Variants in TDRP observed in about 807,000 individuals in gnomAD.
TDRP encodes testis development-related protein.
Under a neutral mutation model 10.5 loss-of-function variants are expected in TDRP, and 12 were observed. The ratio of observed to expected loss-of-function variants is 1.15; its 90% CI spans 0.73 to 1.86. TDRP has a LOEUF of 1.86. Ranked by LOEUF, TDRP falls within the 40% of genes most tolerant of loss-of-function variation. The pLI is 0.00. For missense variants in TDRP, 353 were observed against 229.2 expected, an observed-to-expected ratio of 1.54 and a Z score of -3.49; for synonymous variants, 139 against 95.4, an observed-to-expected ratio of 1.46 and a Z score of -2.67.
intron 1 of TDRP, among the ~76,000 whole-genome samples, chr8:511,803 G>C (rs566298955): frequency 6.6e-6 from 1 of 152,272 alleles, no homozygotes; most frequent in African/African-American, 2.4e-5. Flanking sequence ...CAAATATGTG[G>C]AAATTTTAAA....
intron 1 of TDRP, among the ~76,000 whole-genome samples, chr8:497,427 T>C (rs1433691984): frequency 1.3e-5 from 2 of 152,204 alleles, no homozygotes; most frequent in Non-Finnish European, 2.9e-5. Context: ...ATTTAGGATA[T>C]CTGGCAGAAG....
intron 1 of TDRP, among the ~76,000 whole-genome samples, chr8:516,151 G>C (rs922056509): frequency 1.3e-5 from 2 of 152,140 alleles, no homozygotes; most frequent in Admixed American, 6.5e-5. Flanking sequence ...CGGTAGAGCG[G>C]TTCCTAAATG....
chr8:499,641 G>C (rs767282990), intron 1 of TDRP, among the ~76,000 whole-genome samples: 2 of 152,236 alleles, frequency 1.3e-5, no homozygotes, highest in Non-Finnish European at 2.9e-5. Flanking sequence ...AGCGTGAGGA[G>C]TGCTGTGAGG....
chr8:497,342 TTGCCTTAGCAAAGAG>T (rs1801163509), intron 1 of TDRP, among the ~76,000 whole-genome samples: 1 of 152,164 alleles, frequency 6.6e-6, no homozygotes, highest in Non-Finnish European at 1.5e-5. Flanking sequence ...CCCTCTTGCT[TTGCCTTAGCAAAGAG>T]ACTGGTGGCA....
chr8:545,014 G>A (rs1216602405), upstream of TDRP: 5 of 284,074 alleles, frequency 1.8e-5, no homozygotes, highest in Non-Finnish European at 2.5e-5. Flanking sequence ...CTCAGGACCA[G>A]GCCCGCCCCA....
chr8:520,915 T>G (rs1367079510), intron 1 of TDRP, among the ~76,000 whole-genome samples: 1 of 152,172 alleles, frequency 6.6e-6, no homozygotes, highest in African/African-American at 2.4e-5. Context: ...GTTTCCTTTG[T>G]TACATGTAAG....
chr8:528,333 T>C (rs1802091923), intron 1 of TDRP, among the ~76,000 whole-genome samples: 1 of 152,186 alleles, frequency 6.6e-6, no homozygotes, highest in Admixed American at 6.5e-5. Context: ...GTACAGCCAC[T>C]ATGGAGAACA....
intron 1 of TDRP, among the ~76,000 whole-genome samples, chr8:503,896 C>A (rs1389441874): frequency 6.7e-6 from 1 of 149,146 alleles, no homozygotes; most frequent in African/African-American, 2.4e-5. Context: ...ACAAGGGTAA[C>A]CCACCCCCAC....
In TDRP at chr8:544,728, C is replaced by G. The variant is rs952646562; in HGVS notation, c.30G>C (p.Leu10=). Residue 10 remains leucine (L), a synonymous_variant, in exon 1 of 3, where the codon CTG becomes CTC. Transcript: ENST00000324079. MWKLGRGRV[L]LDEPPEEEDG... ...CCTCCTCCTCGGGGGGCTCGTCCAG[C>G]AGCACTCGGCCCCGGCCCAGCTTCC... 54 of 1,242,972 alleles carry G rather than the reference C, an allele frequency of 4.3e-5. No homozygotes were observed. Among genetic ancestry groups the G allele is most frequent in the Non-Finnish European group, 5.1e-5 (51 of 992,732 alleles). 77.0% of individuals were successfully genotyped at this position (1,242,972 alleles called of 1,614,324 possible). A position where few individuals can be genotyped will look rare whatever the true frequency, so the allele number is the denominator to read the frequency against.
In TDRP at chr8:491,574, A is replaced by G. The variant is rs970458022; in HGVS notation, c.*825T>C. On this transcript the variant is annotated 3_prime_UTR_variant, in exon 3 of 3. Coordinates refer to ENST00000324079, the MANE Select transcript of TDRP (RefSeq NM_001384899.1). ...GAGCCTAATAAAAAAGAGGCACTTC[A>G]GTATTTTATGCACAGTCTTAACTCT... The G allele has an allele frequency of 2.5e-4, 370 of 1,490,822 alleles. 1 individual carries two copies. Among genetic ancestry groups the G allele is most frequent in the Non-Finnish European group, 3.1e-4 (351 of 1,129,118 alleles). 92.3% of individuals were successfully genotyped at this position (1,490,822 alleles called of 1,614,324 possible).
At chr8:511,533 T>C (rs552706309) in intron 1 of TDRP, among the ~76,000 whole-genome samples, 1 of 152,256 alleles carries the variant, frequency 6.6e-6, no homozygotes, top group Non-Finnish European at 1.5e-5. Flanking sequence ...GATTTCACCA[T>C]GCCACTTTCA....
chr8:539,232 T>G (rs1236500773), intron 1 of TDRP, among the ~76,000 whole-genome samples: 2 of 151,808 alleles, frequency 1.3e-5, no homozygotes, highest in African/African-American at 4.8e-5. Flanking sequence ...GTCACGAGGG[T>G]GGGGCCGGCA....
At chr8:501,504 A>G (rs1276575950) in intron 1 of TDRP, among the ~76,000 whole-genome samples, 1 of 151,488 alleles carries the variant, frequency 6.6e-6, no homozygotes, top group African/African-American at 2.4e-5. Flanking sequence ...TGGCCACCAC[A>G]CCCAGCTAAT....
At chr8:511,187 G>A (rs1340553342) in intron 1 of TDRP, among the ~76,000 whole-genome samples, 1 of 152,062 alleles carries the variant, frequency 6.6e-6, no homozygotes, top group Non-Finnish European at 1.5e-5. Context: ...GGCAAATACT[G>A]TCACACTGGA....
intron 1 of TDRP, chr8:495,064 G>C (rs1160570864): frequency 6.4e-6 from 1 of 155,184 alleles, no homozygotes; most frequent in African/African-American, 2.4e-5. Flanking sequence ...AGACCCCGTT[G>C]CTACAAAAAA....
intron 1 of TDRP, among the ~76,000 whole-genome samples, chr8:499,561 T>C (rs1471354766): frequency 6.6e-6 from 1 of 152,192 alleles, no homozygotes; most frequent in Non-Finnish European, 1.5e-5. Flanking sequence ...AATCCCTCTC[T>C]ACTGCCAGGT....
At chr8:545,502 T>A (rs1162135405), upstream of TDRP, 1 of 150,562 alleles carries the variant, frequency 6.6e-6, no homozygotes, top group Non-Finnish European at 1.5e-5. Flanking sequence ...TCCGCTCGGG[T>A]CACCAAGGCA....
At chr8:509,700 C>A (rs1420980592) in intron 1 of TDRP, among the ~76,000 whole-genome samples, 1 of 152,138 alleles carries the variant, frequency 6.6e-6, no homozygotes, top group Non-Finnish European at 1.5e-5. Flanking sequence ...GAGACAATTT[C>A]CCTATTGTCT....
In TDRP at chr8:492,311, T is replaced by C. The variant is rs750270368; in HGVS notation, c.*88A>G. On this transcript the variant is annotated 3_prime_UTR_variant, in exon 3 of 3. Coordinates refer to ENST00000324079, the MANE Select transcript of TDRP (RefSeq NM_001384899.1). Reference sequence around the variant, plus strand: ...ATATAGGCAAAAAGTAGACTCTCTATTCTTTCTAACGCGGAAAAGACTCAA... The same window carrying C: ...ATATAGGCAAAAAGTAGACTCTCTACTCTTTCTAACGCGGAAAAGACTCAA... 15 of 1,380,854 alleles carry C rather than the reference T, an allele frequency of 1.1e-5. No individual in the cohort carries two copies. The highest frequency in any genetic ancestry group is 1.4e-5 in the Non-Finnish European group (15 of 1,064,300). The allele number at this position is 1,380,854 out of a possible 1,614,324, so 85.5% of individuals were successfully genotyped here. A position where few individuals can be genotyped will look rare whatever the true frequency, so the allele number is the denominator to read the frequency against.
Sources: gnomAD v4.1 joint callset for allele counts (sites outside exome capture counted in the v4.1 genomes callset) on GRCh38, gnomAD v4.1.1 for gene constraint, MANE v1.5 for transcripts, NCBI Gene and HGNC (gene_info 2026-07-23, HGNC 2026-07-21) for gene names.